The following ZNF532 variants were observed in gnomAD, a reference collection of about 807,000 sequenced individuals.
The protein encoded by ZNF532 is zinc finger protein 532.
In ZNF532, 22 loss-of-function variants were observed where a neutral mutation model predicts 89.3. The ratio of observed to expected loss-of-function variants is 0.25; its 90% CI spans 0.18 to 0.35. ZNF532 has a LOEUF of 0.35. Among genes scored for constraint, ZNF532 ranks in the 10% least tolerant of loss-of-function variants. The pLI, the probability that ZNF532 is intolerant of heterozygous loss-of-function variation, is 1.00. For missense variants in ZNF532, 1,132 were observed against 1,643.4 expected (o/e 0.69, Z 5.38); for synonymous variants, 606 against 649.6 (o/e 0.93, Z 1.02).
intron 7 of ZNF532, among the ~76,000 whole-genome samples, chr18:58,962,607 CT>C (rs566874390): frequency 2.4e-3 from 351 of 143,306 alleles, no homozygotes; most frequent in Non-Finnish European, 2.5e-3. Flanking sequence ...CCCTGGCATT[CT>C]TTTTTTTTTT....
intron 2 of ZNF532, among the ~76,000 whole-genome samples, chr18:58,906,193 G>A (rs2059926756): frequency 6.6e-6 from 1 of 152,172 alleles, no homozygotes; most frequent in Admixed American, 6.5e-5. Context: ...GGGGCAGGGA[G>A]TTCTTCACTG....
chr18:58,960,530 T>C (rs1386239195), intron 7 of ZNF532, among the ~76,000 whole-genome samples: 1 of 152,232 alleles, frequency 6.6e-6, no homozygotes, highest in Non-Finnish European at 1.5e-5. Flanking sequence ...GATGGTGAAG[T>C]AGCTGGTTCC....
chr18:58,890,879 C>T (rs891319874), intron 2 of ZNF532, among the ~76,000 whole-genome samples: 7 of 150,726 alleles, frequency 4.6e-5, no homozygotes, highest in African/African-American at 7.3e-5. Context: ...TATGGGGCCT[C>T]TGTCATCCAG....
At chr18:58,940,438 C>T (rs1288261684) in intron 5 of ZNF532, 1 of 152,000 alleles carries the variant, frequency 6.6e-6, no homozygotes, top group Non-Finnish European at 1.5e-5. Flanking sequence ...TTTGTGGAGT[C>T]TTTAATAATG....
At chr18:58,941,354 T>A (rs941818368) in intron 5 of ZNF532, among the ~76,000 whole-genome samples, 1 of 152,170 alleles carries the variant, frequency 6.6e-6, no homozygotes, top group African/African-American at 2.4e-5. Flanking sequence ...GGAACAGTAG[T>A]TGTTACCTCA....
At chr18:58,968,004 C>T (rs1385074662) in intron 7 of ZNF532, among the ~76,000 whole-genome samples, 1 of 152,140 alleles carries the variant, frequency 6.6e-6, no homozygotes, top group African/African-American at 2.4e-5. Context: ...AAGTCAGTAC[C>T]CTACAAGGCA....
intron 5 of ZNF532, among the ~76,000 whole-genome samples, chr18:58,940,878 A>G (rs2062926442): frequency 6.7e-6 from 1 of 149,010 alleles, no homozygotes; most frequent in Non-Finnish European, 1.5e-5. Context: ...ATAACTCCAT[A>G]ATTAAGGAAG....
intron 2 of ZNF532, among the ~76,000 whole-genome samples, chr18:58,867,598 G>A (rs1223410566): frequency 6.6e-6 from 1 of 152,168 alleles, no homozygotes; most frequent in East Asian, 1.9e-4. Context: ...GGGACCCGGT[G>A]CCTGCAGTTC....
chr18:58,944,068 G>C (rs2063447402), intron 5 of ZNF532, among the ~76,000 whole-genome samples: 1 of 152,148 alleles, frequency 6.6e-6, no homozygotes, highest in Non-Finnish European at 1.5e-5. Flanking sequence ...GCTAAGTCCT[G>C]GTGTCCCATC....
chr18:58,976,428 G>A (rs1422083588), intron 7 of ZNF532, among the ~76,000 whole-genome samples: 2 of 152,112 alleles, frequency 1.3e-5, no homozygotes, highest in Non-Finnish European at 2.9e-5. Context: ...ATAGGAAATC[G>A]AATTTTCCTT....
Position 58,865,400 on chromosome 18 carries a change from C to G in ZNF532, c.-128+15C>G, listed in dbSNP as rs994643498. ...AAGGCCAAAAGGTAACAATATCGTT[C>G]TAGGAAATGAACATAAATGCATTCC... is the stretch of plus-strand genomic sequence containing the variant. On this transcript the variant is annotated intron_variant, in intron 1 of 9. Transcript: ENST00000591808. 3 of 152,520 alleles carry G rather than the reference C, an allele frequency of 2.0e-5. No homozygotes were observed. Among genetic ancestry groups the G allele is most frequent in the African/African-American group, 7.2e-5 (3 of 41,418 alleles). 9.4% of individuals were successfully genotyped at this position (152,520 alleles called of 1,614,324 possible).
At chr18:58,929,405 C>T (rs184166282) in intron 3 of ZNF532, among the ~76,000 whole-genome samples, 7 of 152,272 alleles carry the variant, frequency 4.6e-5, no homozygotes, top group East Asian at 1.9e-4. Flanking sequence ...TTCTAGATCC[C>T]GCTCTGCTCA....
intron 2 of ZNF532, among the ~76,000 whole-genome samples, chr18:58,887,881 G>A (rs1466639926): frequency 5.9e-5 from 9 of 152,146 alleles, no homozygotes; most frequent in Admixed American, 3.9e-4. Flanking sequence ...TTATCCCTGC[G>A]TCCCCCGGGG....
At chr18:58,871,542 C>T (rs2056983796) in intron 2 of ZNF532, among the ~76,000 whole-genome samples, 1 of 152,238 alleles carries the variant, frequency 6.6e-6, no homozygotes, top group Non-Finnish European at 1.5e-5. Flanking sequence ...CTGTGCTGTT[C>T]TGCCTTGGGG....
intron 2 of ZNF532, among the ~76,000 whole-genome samples, chr18:58,886,089 G>C (rs1373430813): frequency 6.6e-6 from 1 of 151,862 alleles, no homozygotes; most frequent in Non-Finnish European, 1.5e-5. Flanking sequence ...CAATTCTCCT[G>C]CCTCAGCCTC....
intron 9 of ZNF532, among the ~76,000 whole-genome samples, chr18:58,983,585 G>A (rs186958445): frequency 1.1e-4 from 16 of 150,136 alleles, no homozygotes; most frequent in Admixed American, 7.2e-4. Context: ...ACATCACCTA[G>A]CAGCCACACA....
At chr18:58,905,395 TTTTC>T (rs1348060453) in intron 2 of ZNF532, among the ~76,000 whole-genome samples, 1 of 142,672 alleles carries the variant, frequency 7.0e-6, no homozygotes, top group African/African-American at 2.7e-5. Context: ...CTCCATTTTT[TTTTC>T]TTTCTTTTTT....
intron 6 of ZNF532, among the ~76,000 whole-genome samples, chr18:58,951,479 A>T (rs1249714997): frequency 6.6e-6 from 1 of 152,082 alleles, no homozygotes; most frequent in Non-Finnish European, 1.5e-5. Flanking sequence ...AAATGGAAAA[A>T]CTTAGCTTCT....
At chr18:58,977,858 A>AC (rs1239779386) in intron 7 of ZNF532, among the ~76,000 whole-genome samples, 2 of 152,182 alleles carry the variant, frequency 1.3e-5, no homozygotes, top group Non-Finnish European at 2.9e-5. Flanking sequence ...AAAAAAATGT[A>AC]ATCAATCATT....
Sources: gnomAD v4.1 joint callset for allele counts (sites outside exome capture counted in the v4.1 genomes callset) on GRCh38, gnomAD v4.1.1 for gene constraint, MANE v1.5 for transcripts, NCBI Gene and HGNC (gene_info 2026-07-23, HGNC 2026-07-21) for gene names.